PCDH7: variants seen among roughly 807,000 people sequenced by gnomAD.
PCDH7 encodes the protein protocadherin 7.
PCDH7 carries 17 observed loss-of-function variants against 58.9 expected under a neutral mutation model. The observed-to-expected ratio is 0.29, with a 90% confidence interval of 0.20 to 0.43. The LOEUF (loss-of-function observed/expected upper bound fraction) is 0.43. Among genes scored for constraint, PCDH7 ranks in the 20% least tolerant of loss-of-function variants. PCDH7 has a pLI of 1.00. For missense variants in PCDH7, 1,274 were observed against 1,441.0 expected (o/e 0.88, Z 1.88); for synonymous variants, 664 against 616.4 (o/e 1.08, Z -1.14).
intron 2 of PCDH7, among the ~76,000 whole-genome samples, chr4:30,930,007 T>C (rs1244000509): frequency 2.0e-5 from 3 of 152,188 alleles, no homozygotes; most frequent in Admixed American, 6.5e-5. Flanking sequence ...TTATGCAAAT[T>C]TTTATGGACT....
intron 3 of PCDH7, among the ~76,000 whole-genome samples, chr4:30,959,108 G>C (rs1218941164): frequency 6.6e-6 from 1 of 152,018 alleles, no homozygotes; most frequent in African/African-American, 2.4e-5. Flanking sequence ...TACAATTCAA[G>C]CGTTCCAGGG....
intron 1 of PCDH7, among the ~76,000 whole-genome samples, chr4:30,779,644 TTG>T (rs1329820520): frequency 5.3e-5 from 8 of 152,220 alleles, no homozygotes; most frequent in Admixed American, 5.2e-4. Context: ...AGGAAACTGT[TTG>T]TAATTTCTAA....
At chr4:31,140,067 G>T (rs1011407053) in intron 3 of PCDH7, among the ~76,000 whole-genome samples, 2 of 152,154 alleles carry the variant, frequency 1.3e-5, no homozygotes, top group Non-Finnish European at 2.9e-5. Context: ...GAACTGAAGA[G>T]CATCTCACTT....
intron 1 of PCDH7, among the ~76,000 whole-genome samples, chr4:30,824,115 C>CTTTT (rs372859959): frequency 6.3e-5 from 9 of 142,184 alleles, no homozygotes; most frequent in African/African-American, 2.4e-4. Context: ...TTCTTTCTTT[C>CTTTT]TTTCTTTCTT....
downstream of PCDH7, chr4:31,145,526 C>T (rs1267396057): frequency 6.6e-6 from 1 of 151,876 alleles, no homozygotes; most frequent in Non-Finnish European, 1.5e-5. Flanking sequence ...CCTTTTATAC[C>T]TGTTGTTACG....
chr4:31,109,358 A>G (rs1397077543), intron 3 of PCDH7, among the ~76,000 whole-genome samples: 1 of 152,236 alleles, frequency 6.6e-6, no homozygotes, highest in Non-Finnish European at 1.5e-5. Context: ...CTTTAAGCAT[A>G]TTTATTAAAG....
intron 1 of PCDH7, among the ~76,000 whole-genome samples, chr4:30,909,293 C>A (rs1741411031): frequency 6.6e-6 from 1 of 152,132 alleles, no homozygotes; most frequent in Non-Finnish European, 1.5e-5. Flanking sequence ...CCCTCTCTCA[C>A]CATTCCTATT....
chr4:31,080,838 G>A (rs10033574), intron 3 of PCDH7, among the ~76,000 whole-genome samples: 101,184 of 152,084 alleles, frequency 0.67, 35,732 homozygotes, highest in African/African-American at 0.91. Flanking sequence ...GGGGCCAATG[G>A]GAGATAATGG....
At chr4:31,056,241 G>A (rs1054236348) in intron 3 of PCDH7, among the ~76,000 whole-genome samples, 1 of 151,696 alleles carries the variant, frequency 6.6e-6, no homozygotes, top group East Asian at 2.0e-4. Flanking sequence ...GGTGGCATAC[G>A]CCTGTGGCCC....
intron 3 of PCDH7, among the ~76,000 whole-genome samples, chr4:31,065,891 A>G (rs1403298152): frequency 2.0e-5 from 3 of 151,928 alleles, no homozygotes; most frequent in Non-Finnish European, 2.9e-5. Flanking sequence ...TAATTGTGCA[A>G]TATAATTTCA....
chr4:30,808,218 C>T (rs1371117289), intron 1 of PCDH7, among the ~76,000 whole-genome samples: 13 of 152,146 alleles, frequency 8.5e-5, no homozygotes, highest in Non-Finnish European at 1.9e-4. Flanking sequence ...CGATAAATTT[C>T]AAGTATGACC....
chr4:31,029,682 T>G (rs886073362), intron 3 of PCDH7, among the ~76,000 whole-genome samples: 1 of 152,118 alleles, frequency 6.6e-6, no homozygotes, highest in Non-Finnish European at 1.5e-5. Flanking sequence ...CTAGATGGAG[T>G]GGTCCAGAAT....
intron 3 of PCDH7, among the ~76,000 whole-genome samples, chr4:31,140,865 A>G (rs899440674): frequency 6.6e-6 from 1 of 152,216 alleles, no homozygotes; most frequent in Non-Finnish European, 1.5e-5. Flanking sequence ...AAATGGCAGC[A>G]TCGGCAACTG....
In PCDH7 at chr4:31,088,063, A is replaced by G. The variant is rs145443521; in HGVS notation, c.*8-54410A>G. On this transcript the variant is annotated intron_variant, in intron 3 of 3. Transcript: ENST00000509759. Reference sequence around the variant, plus strand: ...ATGCCAAAAATCACTCAGTTAGTAAATTGATTCGAAATTGGAACCCTTTCT... The same window carrying G: ...ATGCCAAAAATCACTCAGTTAGTAAGTTGATTCGAAATTGGAACCCTTTCT... Among the ~76,000 whole-genome samples the G allele has an allele frequency of 3.7e-4, 57 of 152,164 alleles. No homozygotes were observed. In the East Asian group the frequency reaches 0.01, roughly 27 times the overall value.
chr4:31,116,111 C>T (rs1195154047), intron 3 of PCDH7, among the ~76,000 whole-genome samples: 1 of 152,056 alleles, frequency 6.6e-6, no homozygotes, highest in African/African-American at 2.4e-5. Context: ...AGAAATGATC[C>T]TAAAAAATCT....
At chr4:30,821,085 G>T (rs369322183) in intron 1 of PCDH7, among the ~76,000 whole-genome samples, 1 of 152,142 alleles carries the variant, frequency 6.6e-6, no homozygotes, top group African/African-American at 2.4e-5. Flanking sequence ...CAATGACTGC[G>T]TGAGATAGGT....
At chr4:31,033,222 C>A (rs889111604) in intron 3 of PCDH7, among the ~76,000 whole-genome samples, 1 of 152,270 alleles carries the variant, frequency 6.6e-6, no homozygotes, top group Non-Finnish European at 1.5e-5. Context: ...GTGGACCTCA[C>A]GGATGGTATC....
chr4:30,995,252 T>G (rs1023571339), intron 3 of PCDH7, among the ~76,000 whole-genome samples: 2 of 152,134 alleles, frequency 1.3e-5, no homozygotes, highest in African/African-American at 4.8e-5. Flanking sequence ...GCACGGTGGC[T>G]CATGCCTGTA....
At chr4:30,804,271 T>G (rs1443647664) in intron 1 of PCDH7, among the ~76,000 whole-genome samples, 1 of 152,174 alleles carries the variant, frequency 6.6e-6, no homozygotes, top group Non-Finnish European at 1.5e-5. Context: ...CCAGGCACGG[T>G]GGCTCATGCC....
Sources: gnomAD v4.1 joint callset for allele counts (sites outside exome capture counted in the v4.1 genomes callset) on GRCh38, gnomAD v4.1.1 for gene constraint, MANE v1.5 for transcripts, NCBI Gene and HGNC (gene_info 2026-07-23, HGNC 2026-07-21) for gene names.